NFAT5: variants seen among roughly 807,000 people sequenced by gnomAD.
The protein encoded by NFAT5 is nuclear factor of activated T cells 5, also known as nuclear factor of activated T-cells 5.
A neutral mutation model predicts 166.5 loss-of-function variants in NFAT5; 31 were observed. The observed-to-expected ratio is 0.19, with a 90% confidence interval of 0.14 to 0.25. The LOEUF (loss-of-function observed/expected upper bound fraction) is 0.25. NFAT5 is among the 10% of genes least tolerant of loss of function. NFAT5 has a pLI of 1.00. For missense variants in NFAT5, 1,449 were observed against 1,821.8 expected, an observed-to-expected ratio of 0.80 and a Z score of 3.72; for synonymous variants, 612 against 639.7, an observed-to-expected ratio of 0.96 and a Z score of 0.65.
At chr16:69,576,397 G>A (rs2016755450) in intron 2 of NFAT5, among the ~76,000 whole-genome samples, 1 of 151,962 alleles carries the variant, frequency 6.6e-6, no homozygotes, top group African/African-American at 2.4e-5. Flanking sequence ...GTTTGTGTAG[G>A]ATTCTTTACT....
At chr16:69,609,678 A>G (rs1433997753) in intron 2 of NFAT5, among the ~76,000 whole-genome samples, 1 of 152,064 alleles carries the variant, frequency 6.6e-6, no homozygotes, top group East Asian at 1.9e-4. Flanking sequence ...ATCTTTGTGT[A>G]GAATAGAAAA....
intron 4 of NFAT5, among the ~76,000 whole-genome samples, chr16:69,650,956 G>GA (rs1446325235): frequency 6.6e-6 from 1 of 152,168 alleles, no homozygotes; most frequent in Admixed American, 6.5e-5. Context: ...CCAGAATGAT[G>GA]AAAAGAAAAA....
At chr16:69,587,954 T>C (rs1259746131) in intron 2 of NFAT5, among the ~76,000 whole-genome samples, 1 of 139,970 alleles carries the variant, frequency 7.1e-6, no homozygotes, top group Non-Finnish European at 1.6e-5. Context: ...CTTTTTTTTT[T>C]TTTTTTTTTT....
intron 2 of NFAT5, among the ~76,000 whole-genome samples, chr16:69,580,662 CT>C (rs1377145738): frequency 6.6e-6 from 1 of 151,908 alleles, no homozygotes; most frequent in Admixed American, 6.6e-5. Context: ...AATCCAAATT[CT>C]TTTTATTTTT....
chr16:69,607,691 C>T (rs950622026), intron 2 of NFAT5, among the ~76,000 whole-genome samples: 9 of 152,210 alleles, frequency 5.9e-5, no homozygotes, highest in Non-Finnish European at 1.5e-5. Context: ...TTCTAGAGCA[C>T]ATTTGAATCC....
At chr16:69,579,662 G>C (rs1354996030) in intron 2 of NFAT5, among the ~76,000 whole-genome samples, 1 of 151,572 alleles carries the variant, frequency 6.6e-6, no homozygotes, top group Non-Finnish European at 1.5e-5. Flanking sequence ...ATTCTGCACA[G>C]AAAAAAAATA....
intron 1 of NFAT5, among the ~76,000 whole-genome samples, chr16:69,567,944 C>T (rs1427218990): frequency 6.6e-6 from 1 of 152,122 alleles, no homozygotes; most frequent in Non-Finnish European, 1.5e-5. Flanking sequence ...AGTTTAGCTT[C>T]GAGACCAATG....
intron 13 of NFAT5, 81 bp from the exon 14 acceptor site, chr16:69,695,055 T>C: frequency 1.0e-6 from 1 of 996,742 alleles, no homozygotes; most frequent in Non-Finnish European, 1.5e-6. Flanking sequence ...CATGAATCTT[T>C]ACTAATCAGA....
chr16:69,641,991 C>A (rs1289517176), intron 3 of NFAT5, among the ~76,000 whole-genome samples: 4 of 151,716 alleles, frequency 2.6e-5, no homozygotes, highest in Non-Finnish European at 5.9e-5. Flanking sequence ...CCTAGCTATT[C>A]AGGAGGCTGA....
At chr16:69,626,615 A>T (rs1174258026) in intron 3 of NFAT5, 87 bp downstream of exon 3, 4 of 1,159,138 alleles carry the variant, frequency 3.5e-6, no homozygotes, top group Non-Finnish European at 4.5e-6. Context: ...ATTCATACTA[A>T]AAAGAGTGTG....
intron 2 of NFAT5, among the ~76,000 whole-genome samples, chr16:69,610,345 T>C (rs933496070): frequency 5.9e-5 from 9 of 152,190 alleles, no homozygotes; most frequent in African/African-American, 2.2e-4. Context: ...TTTTGGTTTT[T>C]GTTTGTCTAA....
chr16:69,654,838 CTTTG>C (rs2035815434), intron 5 of NFAT5, among the ~76,000 whole-genome samples: 1 of 152,086 alleles, frequency 6.6e-6, no homozygotes, highest in South Asian at 2.1e-4. Context: ...TTTTTAAGTA[CTTTG>C]TTTGGCATGC....
chr16:69,700,005 C>G lies in NFAT5; in HGVS notation c.*3654C>G, dbSNP rs1325067387. The G allele has an allele frequency of 1.3e-5, 2 of 152,116 alleles. No homozygotes were observed. The highest frequency in any genetic ancestry group is 2.9e-5 in the Non-Finnish European group (2 of 68,016). The allele number at this position is 152,116 out of a possible 1,614,324, so 9.4% of individuals were successfully genotyped here. The stretch of plus-strand genomic sequence containing the variant: ...ATCATGTTATTTAGCCAATGCAAAT[C>G]TGTTTTAAAACAAATAGTTTAAAAA... On this transcript the variant is annotated 3_prime_UTR_variant, in exon 15 of 15. Coordinates refer to ENST00000349945, the MANE Select transcript of NFAT5 (RefSeq NM_138713.4).
chr16:69,588,980 CTT>C (rs945918292), intron 2 of NFAT5, among the ~76,000 whole-genome samples: 15 of 34,342 alleles, frequency 4.4e-4, no homozygotes, highest in East Asian at 1.3e-3. Context: ...TTTCCTACTT[CTT>C]TTTTTTTTTT....
rs1235407076 is a variant in NFAT5 at position 69,692,917 on chromosome 16, A to T, written c.3092A>T (p.His1031Leu). 4.3e-6 allele frequency: 7 copies of T among 1,614,102 alleles called. No individual in the cohort carries two copies. The Admixed American group carries it at 1.2e-4, about 27-fold the overall frequency. The stretch of plus-strand genomic sequence containing the variant: ...TTTCAGACCATGGTCCAAATGCAAC[A>T]TAGTGGGGACAATCAACCTCAAGTT... The part of the protein sequence containing the change: ...SVFQTMVQMQ[H>L]SGDNQPQVNL... The change falls in exon 13 of 15, where the codon CAT becomes CTT. Residue 1031 changes from histidine to leucine, a missense_variant. By Grantham distance (99) the His-to-Leu change is moderately conservative (BLOSUM62 -3). Transcript: ENST00000349945.
intron 10 of NFAT5, among the ~76,000 whole-genome samples, chr16:69,679,834 G>A (rs540236526): frequency 6.6e-6 from 1 of 152,218 alleles, no homozygotes; most frequent in South Asian, 2.1e-4. Context: ...ATAATAGTTG[G>A]CTGGGCATGG....
chr16:69,676,280 T>C (rs1391117994), intron 9 of NFAT5, among the ~76,000 whole-genome samples: 1 of 152,190 alleles, frequency 6.6e-6, no homozygotes, highest in African/African-American at 2.4e-5. Context: ...ATAGTACCCT[T>C]GAGTAAGTAC....
chr16:69,673,891 A>G (rs979954320), intron 9 of NFAT5, among the ~76,000 whole-genome samples: 2 of 152,190 alleles, frequency 1.3e-5, no homozygotes, highest in Non-Finnish European at 2.9e-5. Context: ...GAAAGATTGT[A>G]ATAGCTGTTC....
In NFAT5 at chr16:69,692,229, A is replaced by T; in HGVS notation, c.2404A>T (p.Thr802Ser). ...TIQQLQAGSF[T>S]GSTASGSSGS... is the part of the protein sequence containing the mutation. ...TCAGCAGCTGCAAGCAGGGAGTTTC[A>T]CAGGCAGTACTGCTAGTGGCAGCAG... The change falls in exon 13 of 15, where the codon ACA becomes TCA. Residue 802 changes from threonine (T) to serine (S), a missense_variant. Around this residue, in one of 7 missense-constraint regions of NFAT5, gnomAD observed 891 missense variants for 993.0 expected, o/e 0.90. Coordinates refer to ENST00000349945, the MANE Select transcript of NFAT5 (RefSeq NM_138713.4). The T allele has an allele frequency of 6.2e-7, 1 of 1,614,210 alleles. No homozygotes were observed. The highest frequency in any genetic ancestry group is 8.5e-7 in the Non-Finnish European group (1 of 1,180,046).
Sources: allele counts gnomAD v4.1 joint callset (sites outside exome capture counted in the v4.1 genomes callset), GRCh38; gene constraint gnomAD v4.1.1; regional missense constraint gnomAD v4.1.1; transcripts MANE v1.5; gene names NCBI Gene and HGNC (gene_info 2026-07-23, HGNC 2026-07-21).